The following POLA1 variants were observed in gnomAD, a reference collection of about 807,000 sequenced individuals.
POLA1 encodes the protein DNA polymerase alpha catalytic subunit.
A neutral mutation model predicts 124.0 loss-of-function variants in POLA1; 15 were observed. The ratio of observed to expected loss-of-function variants is 0.12; its 90% CI spans 0.08 to 0.19. The LOEUF is 0.19. Among genes scored for constraint, POLA1 ranks in the 10% least tolerant of loss-of-function variants. POLA1 has a pLI of 1.00. For synonymous variants in POLA1, 408 were observed against 389.4 expected (o/e 1.05, Z -0.56); for missense variants, 886 against 1,103.4 (o/e 0.80, Z 2.79).
chrX:24,723,073 A>G, intron 10 of POLA1, 82 bp from the exon 11 acceptor site: 1 of 662,833 alleles, frequency 1.5e-6, no homozygotes, highest in Non-Finnish European at 2.5e-6. Flanking sequence ...GTGTGGACAC[A>G]TTCAGTGAGC....
At chrX:24,771,977 G>A (rs1319253014) in intron 26 of POLA1, among the ~76,000 whole-genome samples, 3 of 111,667 alleles carry the variant, frequency 2.7e-5, no homozygotes, top group South Asian at 3.7e-4. Flanking sequence ...ATATGCACAC[G>A]TATAAATCTG....
chrX:24,888,720 C>T (rs1193258120), intron 35 of POLA1, among the ~76,000 whole-genome samples: 1 of 104,326 alleles, frequency 9.6e-6, no homozygotes, highest in African/African-American at 3.5e-5. Flanking sequence ...GGACTACAGG[C>T]GCGTGCCACT....
At chrX:24,835,570 T>C (rs1361674857) in intron 32 of POLA1, among the ~76,000 whole-genome samples, 1 of 110,105 alleles carries the variant, frequency 9.1e-6, no homozygotes, top group Non-Finnish European at 1.9e-5. Flanking sequence ...TTTTTTTTTT[T>C]CCTTTGTTGA....
chrX:24,840,932 A>G (rs1453469360), intron 32 of POLA1, among the ~76,000 whole-genome samples: 1 of 112,269 alleles, frequency 8.9e-6, no homozygotes, highest in East Asian at 2.8e-4. Flanking sequence ...CTTTTCTTTA[A>G]TTAGTTTGTG....
intron 36 of POLA1, among the ~76,000 whole-genome samples, chrX:24,952,723 T>G (rs2048062644): frequency 8.9e-6 from 1 of 112,401 alleles, no homozygotes; most frequent in African/African-American, 3.2e-5. Flanking sequence ...TTGTTGTCTT[T>G]GGATCTTTGT....
chrX:24,961,273 G>A (rs1004395681), intron 36 of POLA1, among the ~76,000 whole-genome samples: 3 of 111,461 alleles, frequency 2.7e-5, no homozygotes, highest in African/African-American at 9.8e-5. Flanking sequence ...GGTGTCTAGC[G>A]CTCTCCTGCT....
chrX:24,712,271 A>G lies in POLA1; in HGVS notation c.347-2283A>G, dbSNP rs138224759. On this transcript the variant is annotated intron_variant, in intron 4 of 36. Coordinates refer to ENST00000379068, the MANE Select transcript of POLA1 (RefSeq NM_001330360.2). ...CGGCTAATTATTGTATTTTTAGTAG[A>G]GATGGGGTTTCACTATGTTGGCCAG... Among the ~76,000 whole-genome samples the G allele has an allele frequency of 2.8e-4, 31 of 110,171 alleles. No individual in the cohort carries two copies. The East Asian group carries it at 8.1e-3, about 29-fold the overall frequency.
intron 35 of POLA1, among the ~76,000 whole-genome samples, chrX:24,921,604 C>T (rs1017935920): frequency 1.3e-4 from 15 of 111,931 alleles, no homozygotes; most frequent in African/African-American, 4.9e-4. Flanking sequence ...AGTTGTCTTT[C>T]TGATGAATAC....
At chrX:24,758,680 G>GT (rs934714101) in intron 26 of POLA1, among the ~76,000 whole-genome samples, 2 of 110,063 alleles carry the variant, frequency 1.8e-5, no homozygotes, top group African/African-American at 3.4e-5. Context: ...TTTGTTTTTT[G>GT]TTTTTTTGTT....
intron 36 of POLA1, among the ~76,000 whole-genome samples, chrX:24,968,950 T>G (rs1246304557): frequency 9.0e-6 from 1 of 111,451 alleles, no homozygotes; most frequent in Non-Finnish European, 1.9e-5. Flanking sequence ...GGCTCGCGCA[T>G]GTAATCCCAG....
At chrX:24,834,542 C>T (rs188572381) in intron 32 of POLA1, among the ~76,000 whole-genome samples, 16 of 111,889 alleles carry the variant, frequency 1.4e-4, no homozygotes, top group African/African-American at 4.5e-4. Flanking sequence ...GAGGCCAAGG[C>T]GGGTGGATTA....
Position 24,826,586 on chromosome X carries a change from A to G in POLA1, c.3721A>G (p.Ile1241Val), listed in dbSNP as rs762859477. ...AATAGACGGAATTGATGCTGTCCTC[A>G]TTGCAACGTGGTTGGGTAAGTGTCC... ...EPIDGIDAVL[I>V]ATWLGLDPTQ... Residue 1241 changes from isoleucine (I) to valine (V), a missense_variant, in exon 32 of 37, where the codon ATT becomes GTT. Physicochemically the swap from Ile to Val is conservative, Grantham distance 29. Coordinates refer to ENST00000379068, the MANE Select transcript of POLA1 (RefSeq NM_001330360.2). 164 of 1,195,042 alleles carry G rather than the reference A, an allele frequency of 1.4e-4. 1 individual carries two copies. The South Asian group carries it at 2.5e-3, about 18-fold the overall frequency.
intron 36 of POLA1, among the ~76,000 whole-genome samples, chrX:24,944,458 T>C (rs1601894801): frequency 8.9e-6 from 1 of 111,773 alleles, no homozygotes; most frequent in Non-Finnish European, 1.9e-5. Flanking sequence ...GTGTTGATCT[T>C]TGGAAACAAA....
intron 34 of POLA1, among the ~76,000 whole-genome samples, chrX:24,847,590 C>G (rs1330637100): frequency 1.8e-5 from 2 of 111,995 alleles, no homozygotes; most frequent in African/African-American, 6.5e-5. Flanking sequence ...ATATGATAAC[C>G]TCTGATAGTT....
chrX:24,936,518 A>G (rs983028434), intron 36 of POLA1, among the ~76,000 whole-genome samples: 1 of 111,185 alleles, frequency 9.0e-6, no homozygotes, highest in African/African-American at 3.3e-5. Flanking sequence ...TTTGAAGCCC[A>G]CTGGTTGTGT....
intron 31 of POLA1, among the ~76,000 whole-genome samples, chrX:24,823,574 T>C (rs970018460): frequency 1.8e-5 from 2 of 110,940 alleles, no homozygotes; most frequent in African/African-American, 6.6e-5. Context: ...GCTAATTTTT[T>C]TGTATTTTTA....
chrX:24,772,535 G>A (rs1027954984), intron 26 of POLA1, among the ~76,000 whole-genome samples: 5 of 109,976 alleles, frequency 4.5e-5, no homozygotes, highest in East Asian at 5.7e-4. Flanking sequence ...GATCCTCTCC[G>A]TCCTCCAAGC....
intron 34 of POLA1, among the ~76,000 whole-genome samples, chrX:24,844,530 T>C (rs1422582880): frequency 9.0e-6 from 1 of 110,781 alleles, no homozygotes; most frequent in African/African-American, 3.3e-5. Context: ...TTCTAAAGAT[T>C]GTTCTGTACT....
intron 4 of POLA1, among the ~76,000 whole-genome samples, chrX:24,710,791 C>G (rs2952534): frequency 1.9e-5 from 2 of 106,719 alleles, no homozygotes; most frequent in African/African-American, 3.4e-5. Flanking sequence ...CTCAGCCTCC[C>G]AAGTAGCTGG....
Sources: gnomAD v4.1 joint callset for allele counts (sites outside exome capture counted in the v4.1 genomes callset) on GRCh38, gnomAD v4.1.1 for gene constraint, MANE v1.5 for transcripts, NCBI Gene and HGNC (gene_info 2026-07-23, HGNC 2026-07-21) for gene names.